ACYP2: variants seen among roughly 807,000 people sequenced by gnomAD.
ACYP2 encodes acylphosphatase-2.
ACYP2 carries 12 observed loss-of-function variants against 11.2 expected under a neutral mutation model. The ratio of observed to expected loss-of-function variants is 1.08; its 90% confidence interval spans 0.69 to 1.74. The LOEUF is 1.74. ACYP2 is among the 40% of genes most tolerant of loss of function. ACYP2 has a pLI of 0.00. For synonymous variants in ACYP2, 43 were observed against 32.2 expected, an observed-to-expected ratio of 1.33 and a Z score of -1.13; for missense variants, 134 against 101.9, an observed-to-expected ratio of 1.31 and a Z score of -1.35.
At chr2:54,296,409 A>T (rs929855425) in intron 6 of ACYP2, among the ~76,000 whole-genome samples, 2 of 152,230 alleles carry the variant, frequency 1.3e-5, no homozygotes, top group African/African-American at 2.4e-5. Flanking sequence ...CTTGTATAGG[A>T]ACAAAAAATA....
intron 2 of ACYP2, among the ~76,000 whole-genome samples, chr2:54,050,122 CA>C (rs1170695109): frequency 3.9e-5 from 6 of 152,120 alleles, no homozygotes; most frequent in Admixed American, 3.9e-4. Flanking sequence ...TATAAAGAAT[CA>C]AATTTTTTTC....
At chr2:54,227,457 G>A (rs969738328) in intron 6 of ACYP2, among the ~76,000 whole-genome samples, 3 of 151,992 alleles carry the variant, frequency 2.0e-5, no homozygotes, top group Non-Finnish European at 4.4e-5. Context: ...TGACCAACAT[G>A]GTGAAAGCCC....
At chr2:54,156,173 C>T (rs1025879808) in intron 6 of ACYP2, among the ~76,000 whole-genome samples, 1 of 152,072 alleles carries the variant, frequency 6.6e-6, no homozygotes, top group Non-Finnish European at 1.5e-5. Context: ...TAAAGTGTAG[C>T]TCAAGTTCAA....
chr2:54,237,671 G>A (rs569177087), intron 6 of ACYP2, among the ~76,000 whole-genome samples: 9 of 151,872 alleles, frequency 5.9e-5, no homozygotes, highest in Non-Finnish European at 1.2e-4. Flanking sequence ...TTTCTCTCAG[G>A]TTTCTTTTAA....
intron 6 of ACYP2, among the ~76,000 whole-genome samples, chr2:54,287,450 C>A (rs1689125459): frequency 6.6e-6 from 1 of 151,948 alleles, no homozygotes; most frequent in Non-Finnish European, 1.5e-5. Flanking sequence ...TAGGTGAGAT[C>A]TAATTTCCTT....
At chr2:54,269,832 T>C (rs1688203104) in intron 6 of ACYP2, among the ~76,000 whole-genome samples, 2 of 152,216 alleles carry the variant, frequency 1.3e-5, no homozygotes, top group Admixed American at 1.3e-4. Context: ...ATAACAATTT[T>C]CATTTGTTTT....
At chr2:54,038,432 A>C (rs978100955) in intron 2 of ACYP2, among the ~76,000 whole-genome samples, 3 of 151,892 alleles carry the variant, frequency 2.0e-5, no homozygotes, top group Non-Finnish European at 2.9e-5. Context: ...ATATGTATGT[A>C]TTTTATTTAC....
intron 2 of ACYP2, among the ~76,000 whole-genome samples, chr2:54,019,487 C>T (rs1009244412): frequency 1.3e-5 from 2 of 151,854 alleles, no homozygotes; most frequent in African/African-American, 4.8e-5. Context: ...AGCAATCCTC[C>T]AGCCTCGTTT....
At chr2:54,081,689 A>G (rs34498089) in intron 4 of ACYP2, among the ~76,000 whole-genome samples, 37,911 of 152,170 alleles carry the variant, frequency 0.25, 5,319 homozygotes, top group South Asian at 0.47. Flanking sequence ...TACATACCTG[A>G]TGAGAGAGAT....
intron 6 of ACYP2, chr2:54,255,232 T>C (rs1165531606): frequency 1.1e-5 from 17 of 1,614,168 alleles, no homozygotes; most frequent in Non-Finnish European, 1.4e-5. Flanking sequence ...TACAATCAGC[T>C]TGTTTCTGAA....
rs143790632 is a variant in ACYP2, at chr2:54,112,344, G to A, written c.278-23109G>A. The stretch of plus-strand genomic sequence containing the variant: ...CATATAATTTAATCATGCATTGTAC[G>A]TGAAGGACCTGCATACATTTGTTTG... On this transcript the variant is annotated intron_variant, in intron 4 of 6. Transcript: ENST00000607452. Among the ~76,000 whole-genome samples the A allele has an allele frequency of 9.8e-3, 1,495 of 152,230 alleles. 10 individuals carry two copies. Among genetic ancestry groups the A allele is most frequent in the Non-Finnish European group, 0.014 (944 of 68,012 alleles).
chr2:53,972,549 G>C (rs1003710574), intron 1 of ACYP2, among the ~76,000 whole-genome samples: 4 of 152,156 alleles, frequency 2.6e-5, no homozygotes, highest in Non-Finnish European at 5.9e-5. Flanking sequence ...GGAGCTTGCA[G>C]TGAGCCGAGA....
chr2:53,999,910 A>G lies in ACYP2; in HGVS notation c.62+26100A>G, dbSNP rs188669072. Among the ~76,000 whole-genome samples, 103 of 152,266 alleles carry G rather than the reference A, an allele frequency of 6.8e-4. 1 individual carries two copies. Among genetic ancestry groups the G allele is most frequent in the Non-Finnish European group, 1.3e-3 (89 of 68,014 alleles). On this transcript the variant is annotated intron_variant, in intron 2 of 6. Transcript: ENST00000607452. ...CAAAGCAGTTAGTGTCTGAAGTCAA[A>G]TCCACTTGCCCTTGAGATTTAAACT...
chr2:54,267,175 G>A lies in ACYP2; in HGVS notation c.405-37513G>A, dbSNP rs1454257569. On this transcript the variant is annotated intron_variant, in intron 6 of 6. Transcript: ENST00000607452. ...GTTATAATGAGCATGTATTATTCAT[G>A]TATTTTTTCATCAAGAAAATGTTTT... 7 of 957,220 alleles carry A rather than the reference G, an allele frequency of 7.3e-6. No individual in the cohort carries two copies. The African/African-American group carries it at 8.3e-5, about 11-fold the overall frequency. The allele number at this position is 957,220 out of a possible 1,614,324, so 59.3% of individuals were successfully genotyped here.
At chr2:54,117,588 T>C (rs1016425404) in intron 4 of ACYP2, among the ~76,000 whole-genome samples, 12 of 152,162 alleles carry the variant, frequency 7.9e-5, no homozygotes, top group African/African-American at 2.9e-4. Context: ...GCCACTGCAC[T>C]CAGCCAGAAA....
rs530212534 is a variant in ACYP2 at position 54,299,948 on chromosome 2, C to T, written c.405-4740C>T. 2.6e-5 allele frequency among the ~76,000 whole-genome samples: 4 copies of T among 152,310 alleles called. No homozygotes were observed. In the South Asian group the frequency reaches 8.3e-4, roughly 32 times the overall value. ...ACAATTCCTTTAACATTTGTCAACTCCTTTAGTGATTATTACACCTTTTCA... is the reference window on the plus strand; with the variant it reads ...ACAATTCCTTTAACATTTGTCAACTTCTTTAGTGATTATTACACCTTTTCA... On this transcript the variant is annotated intron_variant, in intron 6 of 6. Coordinates refer to ENST00000607452, the MANE Select transcript of ACYP2 (RefSeq NM_001320586.2).
At chr2:54,096,202 G>A (rs1227494621) in intron 4 of ACYP2, among the ~76,000 whole-genome samples, 1 of 146,486 alleles carries the variant, frequency 6.8e-6, no homozygotes, top group African/African-American at 2.6e-5. Context: ...CAGACGGGGC[G>A]GCCGGGCAGA....
chr2:54,135,035 A>C lies in ACYP2; in HGVS notation c.278-418A>C, dbSNP rs773065550. Among the ~76,000 whole-genome samples the C allele has an allele frequency of 2.6e-5, 4 of 152,174 alleles. No homozygotes were observed. The South Asian group carries it at 8.3e-4, about 32-fold the overall frequency. On this transcript the variant is annotated intron_variant, in intron 4 of 6. Coordinates refer to ENST00000607452, the MANE Select transcript of ACYP2 (RefSeq NM_001320586.2). ...CCTTTTCACTTAGAGGAAGCACTTT[A>C]TGGTTTCTCTTTGGCGCATTTGCCA... is the stretch of plus-strand genomic sequence containing the variant.
intron 6 of ACYP2, among the ~76,000 whole-genome samples, chr2:54,277,378 A>C (rs1161760701): frequency 6.6e-6 from 1 of 152,164 alleles, no homozygotes; most frequent in African/African-American, 2.4e-5. Context: ...TAATATGCCT[A>C]TTAAGAAATT....
Sources: allele counts gnomAD v4.1 joint callset (sites outside exome capture counted in the v4.1 genomes callset), GRCh38; gene constraint gnomAD v4.1.1; transcripts MANE v1.5; gene names NCBI Gene and HGNC (gene_info 2026-07-23, HGNC 2026-07-21).